Variants in LRRC61 observed in about 807,000 individuals in gnomAD.
The protein encoded by LRRC61 is leucine rich repeat containing 61.
LRRC61 carries 9 observed loss-of-function variants against 15.1 expected under a neutral mutation model. That is an observed-to-expected ratio of 0.60 (90% confidence interval 0.36 to 1.04). The LOEUF (loss-of-function observed/expected upper bound fraction) is 1.04. Ranked by LOEUF, LRRC61 falls within the 50% of genes least tolerant of loss-of-function variation. LRRC61 has a pLI of 0.01. For synonymous variants in LRRC61, 173 were observed against 158.6 expected, an observed-to-expected ratio of 1.09 and a Z score of -0.68; for missense variants, 344 against 335.6, an observed-to-expected ratio of 1.03 and a Z score of -0.20.
chr7:150,331,450 A>G, intron 2 of LRRC61: 1 of 252,912 alleles, frequency 4.0e-6, no homozygotes, highest in East Asian at 8.4e-5. Context: ...CCTATTTGGT[A>G]GGAAAGGGTC....
At chr7:150,316,518 T>C in the LRRC61 span, among the ~76,000 whole-genome samples, 2 of 139,170 alleles carry the variant, frequency 1.4e-5, no homozygotes, top group Non-Finnish European at 3.1e-5. Flanking sequence ...AGGCGGAGTC[T>C]CACTGTTGCC....
At chr7:150,332,918 AT>A (rs1798156787) in intron 2 of LRRC61, among the ~76,000 whole-genome samples, 1 of 151,970 alleles carries the variant, frequency 6.6e-6, no homozygotes, top group Non-Finnish European at 1.5e-5. Flanking sequence ...GGCTTGCTGG[AT>A]CTCTCCCTGC....
At chr7:150,312,729 C>T in the LRRC61 span, among the ~76,000 whole-genome samples, 72 of 152,266 alleles carry the variant, frequency 4.7e-4, no homozygotes, top group African/African-American at 1.7e-3. Flanking sequence ...TGAGAAACAT[C>T]GCCCCTACCC....
At chr7:150,323,346 G>A (rs1312951827), upstream of LRRC61, 1 of 275,050 alleles carries the variant, frequency 3.6e-6, no homozygotes, top group Admixed American at 5.9e-5. Context: ...CCCCCTGGGC[G>A]CGTTCCGGGA....
Position 150,337,691 on chromosome 7 carries a change from GTTCCCCTCTCTGCCCCCAC to G in LRRC61, c.*51_*69del, listed in dbSNP as rs778183433. 2.0e-6 allele frequency: 3 copies of G among 1,501,756 alleles called. No individual in the cohort carries two copies. The Admixed American group carries it at 7.0e-5, about 35-fold the overall frequency. The allele number at this position is 1,501,756 out of a possible 1,614,324, so 93.0% of individuals were successfully genotyped here. A position where few individuals can be genotyped will look rare whatever the true frequency, so the allele number is the denominator to read the frequency against. On this transcript the variant is annotated 3_prime_UTR_variant, in exon 3 of 3. Transcript: ENST00000359623. ...CTGGCAGGTGGCCTCGCTGCCCCCA[GTTCCCCTCTCTGCCCCCAC>G]ACTCGTCTTAGTTGCTTCACACTGG...
In LRRC61 at chr7:150,323,437, C is replaced by T. The variant is rs3735173; in HGVS notation, c.-438C>T. On this transcript the variant is annotated 5_prime_UTR_variant, in exon 1 of 3. Transcript: ENST00000359623. ...ACGCGGCCCAGGGGTCAGGGGCCGC[C>T]AGGCGGCGGGCGGCGGGGCTGCGGC... The T allele has an allele frequency of 0.28, 97,657 of 344,816 alleles. 14,425 individuals carry two copies. The highest frequency in any genetic ancestry group is 0.44 in the East Asian group (3,649 of 8,276). 21.4% of individuals were successfully genotyped at this position (344,816 alleles called of 1,614,324 possible).
At position 150,337,004 on chromosome 7, in the gene LRRC61, GCCTGGGAGA is replaced by G; in HGVS notation, c.144_152del (p.Cys48_Glu51delinsTrp). 1 of 1,613,890 alleles carries G rather than the reference GCCTGGGAGA, an allele frequency of 6.2e-7. No homozygotes were observed. The highest frequency in any genetic ancestry group is 8.5e-7 in the Non-Finnish European group (1 of 1,180,028). On this transcript the variant is annotated inframe_deletion, in exon 3 of 3. Transcript: ENST00000359623. ...GGCTTGGGACTGGCTGACCTGGGCT[GCCTGGGAGA>G]GTGCCTGGGCCTGGAGTGGCTGGAC...
the LRRC61 span, among the ~76,000 whole-genome samples, chr7:150,312,335 A>G: frequency 6.6e-6 from 1 of 152,348 alleles, no homozygotes; most frequent in South Asian, 2.1e-4. Context: ...TCTCCTGCGT[A>G]GGCTCTGCAA....
intron 2 of LRRC61, chr7:150,331,879 C>T (rs986027935): frequency 6.0e-6 from 1 of 167,064 alleles, no homozygotes; most frequent in Admixed American, 6.5e-5. Flanking sequence ...ACACACATAC[C>T]CCCACACACC....
rs1798259857 is a variant in LRRC61 at position 150,335,512 on chromosome 7, T to A, written c.-144-1206T>A. 6.6e-6 allele frequency among the ~76,000 whole-genome samples: 1 copy of A among 152,356 alleles called. No homozygotes were observed. The highest frequency in any genetic ancestry group is 1.9e-4 in the East Asian group (1 of 5,192). ...ACCGTTTACATCCTCGCCAGCTCCCTGGTTGGGAACATAGTAAATATCTTT... is the reference window on the plus strand; with the variant it reads ...ACCGTTTACATCCTCGCCAGCTCCCAGGTTGGGAACATAGTAAATATCTTT... On this transcript the variant is annotated intron_variant, in intron 2 of 2. Transcript: ENST00000359623. The surrounding 1 kb of genome is among the most constrained non-coding windows in gnomAD (Gnocchi z 4.3).
intron 2 of LRRC61, among the ~76,000 whole-genome samples, chr7:150,329,339 C>T (rs533049101): frequency 2.6e-5 from 4 of 152,328 alleles, no homozygotes; most frequent in African/African-American, 7.2e-5. Context: ...CTAAGATGCA[C>T]GGACGTATCG....
At chr7:150,314,923 G>T in the LRRC61 span, among the ~76,000 whole-genome samples, 1 of 147,728 alleles carries the variant, frequency 6.8e-6, no homozygotes, top group African/African-American at 2.5e-5. Context: ...CTGCACTCCA[G>T]CCAGGATGAC....
At chr7:150,321,334 T>G (rs527306806), upstream of LRRC61, among the ~76,000 whole-genome samples, 8 of 152,382 alleles carry the variant, frequency 5.2e-5, no homozygotes, top group Admixed American at 1.3e-4. Context: ...AATTTTTCTT[T>G]TAGTGCCATT....
At chr7:150,315,763 T>C in the LRRC61 span, among the ~76,000 whole-genome samples, 1 of 152,160 alleles carries the variant, frequency 6.6e-6, no homozygotes, top group African/African-American at 2.4e-5. Flanking sequence ...TGCTTATGTA[T>C]ATTCATACAT....
chr7:150,312,783 A>G, the LRRC61 span, among the ~76,000 whole-genome samples: 1 of 152,210 alleles, frequency 6.6e-6, no homozygotes, highest in Non-Finnish European at 1.5e-5. Flanking sequence ...ATCTTTTCTT[A>G]TAACTTTATA....
At chr7:150,327,923 G>A (rs1412233532) in intron 2 of LRRC61, among the ~76,000 whole-genome samples, 2 of 151,996 alleles carry the variant, frequency 1.3e-5, no homozygotes, top group Admixed American at 1.3e-4. Context: ...ACTTCTACGT[G>A]GAAGGCCCCC....
At chr7:150,316,476 T>A in the LRRC61 span, among the ~76,000 whole-genome samples, 1 of 142,784 alleles carries the variant, frequency 7.0e-6, no homozygotes, top group Non-Finnish European at 1.5e-5. Context: ...AACTTTAGAA[T>A]CTGGTTATTT....
rs776644861 is a variant in LRRC61, at chr7:150,337,603, C to G, written c.742C>G (p.Leu248Val). Reference sequence around the variant, plus strand: ...CAGCCTGGCCCAGGCGGAGCAGGTACTCAGCTCTGCGGGCCCCACCTCTTC... The same window carrying G: ...CAGCCTGGCCCAGGCGGAGCAGGTAGTCAGCTCTGCGGGCCCCACCTCTTC... The part of the protein sequence containing the change: ...SDSLAQAEQV[L>V]SSAGPTSSFV... The change falls in exon 3 of 3, where the codon CTC becomes GTC. Residue 248 changes from leucine (L) to valine (V), a missense_variant. By Grantham distance (32) the Leu-to-Val change is conservative. Transcript: ENST00000359623. 2.8e-5 allele frequency: 43 copies of G among 1,551,004 alleles called. No homozygotes were observed. Among genetic ancestry groups the G allele is most frequent in the Non-Finnish European group, 3.6e-5 (42 of 1,151,108 alleles).
intron 1 of LRRC61, among the ~76,000 whole-genome samples, 155 bp from the exon 2 acceptor site, chr7:150,325,686 G>T (rs1285285088): frequency 6.6e-6 from 1 of 152,108 alleles, no homozygotes; most frequent in East Asian, 1.9e-4. Context: ...GCCCAAGCTG[G>T]TCTCAACCCC....
Sources: gnomAD v4.1 joint callset for allele counts (sites outside exome capture counted in the v4.1 genomes callset) on GRCh38, gnomAD v4.1.1 for gene constraint, Gnocchi (gnomAD v3.1) non-coding constraint, MANE v1.5 for transcripts, NCBI Gene and HGNC (gene_info 2026-07-23, HGNC 2026-07-21) for gene names.